Variants in STXBP5L observed in about 807,000 individuals in gnomAD.
STXBP5L encodes syntaxin binding protein 5L.
Under a neutral mutation model 144.5 loss-of-function variants are expected in STXBP5L, and 65 were observed. The observed-to-expected ratio is 0.45, with a 90% CI of 0.37 to 0.55. The LOEUF is 0.55. Ranked by LOEUF, STXBP5L falls within the 20% of genes least tolerant of loss-of-function variation. The pLI, the probability that STXBP5L is intolerant of heterozygous loss-of-function variation, is 0.00. For synonymous variants in STXBP5L, 505 were observed against 469.6 expected, an observed-to-expected ratio of 1.08 and a Z score of -0.97; for missense variants, 1,298 against 1,405.5, an observed-to-expected ratio of 0.92 and a Z score of 1.22.
At chr3:120,960,003 C>G (rs553676093) in intron 3 of STXBP5L, among the ~76,000 whole-genome samples, 2 of 152,144 alleles carry the variant, frequency 1.3e-5, no homozygotes, top group African/African-American at 2.4e-5. Flanking sequence ...TGCAATCTAC[C>G]TATCTGACAA....
intron 3 of STXBP5L, among the ~76,000 whole-genome samples, chr3:121,016,171 C>A (rs1031045526): frequency 6.6e-6 from 1 of 152,252 alleles, no homozygotes; most frequent in Admixed American, 6.5e-5. Context: ...TTAATCAATA[C>A]AAACGTGTGG....
chr3:121,366,838 G>A (rs2045877853), intron 20 of STXBP5L, among the ~76,000 whole-genome samples: 1 of 152,016 alleles, frequency 6.6e-6, no homozygotes, highest in South Asian at 2.1e-4. Context: ...TACTGTTTGT[G>A]TGTGGTCTTG....
At chr3:121,105,310 C>T (rs1022436576) in intron 5 of STXBP5L, among the ~76,000 whole-genome samples, 21 of 151,914 alleles carry the variant, frequency 1.4e-4, no homozygotes, top group African/African-American at 3.6e-4. Context: ...GCAGGAGAAT[C>T]GCTTGAACCT....
chr3:121,196,734 A>G (rs1029117770), intron 9 of STXBP5L, among the ~76,000 whole-genome samples: 2 of 152,000 alleles, frequency 1.3e-5, no homozygotes, highest in Non-Finnish European at 2.9e-5. Flanking sequence ...ATGATCATGG[A>G]TCACGGCTCA....
chr3:121,092,113 C>G (rs984047624), intron 5 of STXBP5L, among the ~76,000 whole-genome samples: 1 of 152,046 alleles, frequency 6.6e-6, no homozygotes, highest in Non-Finnish European at 1.5e-5. Context: ...TCTGAGGGCT[C>G]TGTTCTATTG....
intron 7 of STXBP5L, among the ~76,000 whole-genome samples, chr3:121,137,931 G>GC (rs1333823532): frequency 2.0e-5 from 3 of 152,112 alleles, no homozygotes; most frequent in Admixed American, 2.0e-4. Flanking sequence ...CCTGACCAGA[G>GC]CAACTAGGCA....
intron 19 of STXBP5L, among the ~76,000 whole-genome samples, chr3:121,280,909 C>CTAATAATAA (rs150499478): frequency 6.7e-6 from 1 of 148,904 alleles, no homozygotes; most frequent in South Asian, 2.1e-4. Context: ...GACCCCATCT[C>CTAATAATAA]TAATAATAAT....
In STXBP5L at chr3:121,041,716, G is replaced by A. The variant is rs376698945; in HGVS notation, c.304G>A (p.Val102Ile). Residue 102 changes from valine (V) to isoleucine (I), a missense_variant, in exon 4 of 27, where the codon GTT becomes ATT. Transcript: ENST00000471454. Reference sequence around the variant, plus strand: ...TTATATTAGACTCGGGAGACCTGGTGTTGATTGCTATTGCCAACATGAAAG... The same window carrying A: ...TTATATTAGACTCGGGAGACCTGGTATTGATTGCTATTGCCAACATGAAAG... Reference protein sequence around the residue: ...GAIRILGRPGVDCYCQHESGA... With the variant: ...GAIRILGRPGIDCYCQHESGA... 48 of 1,612,344 alleles carry A rather than the reference G, an allele frequency of 3.0e-5. No homozygotes were observed. The highest frequency in any genetic ancestry group is 4.1e-5 in the Non-Finnish European group (48 of 1,178,936).
At chr3:120,971,424 A>G (rs1281817972) in intron 3 of STXBP5L, among the ~76,000 whole-genome samples, 1 of 151,422 alleles carries the variant, frequency 6.6e-6, no homozygotes, top group Non-Finnish European at 1.5e-5. Context: ...TCCAATGTCT[A>G]TTATTCAACT....
chr3:120,931,664 G>GA (rs959371801), intron 2 of STXBP5L, among the ~76,000 whole-genome samples: 3 of 151,946 alleles, frequency 2.0e-5, no homozygotes, highest in Non-Finnish European at 4.4e-5. Context: ...AACTAGATAA[G>GA]AAAAAAAATT....
intron 20 of STXBP5L, among the ~76,000 whole-genome samples, chr3:121,337,839 T>C (rs960986363): frequency 2.6e-5 from 4 of 152,140 alleles, no homozygotes; most frequent in East Asian, 3.8e-4. Context: ...TTTTTAAAAA[T>C]TGAAATTATA....
chr3:121,163,253 G>A (rs1267976047), intron 9 of STXBP5L, among the ~76,000 whole-genome samples: 1 of 152,202 alleles, frequency 6.6e-6, no homozygotes, highest in East Asian at 1.9e-4. Context: ...AAAAAAGAAT[G>A]AGTTCATGTC....
chr3:120,987,576 C>A (rs375060956), intron 3 of STXBP5L, among the ~76,000 whole-genome samples: 1 of 151,702 alleles, frequency 6.6e-6, no homozygotes. Flanking sequence ...TGTATTTTCA[C>A]CCTCTTAACT....
chr3:121,309,587 C>G (rs894168552), intron 19 of STXBP5L, among the ~76,000 whole-genome samples: 2 of 151,864 alleles, frequency 1.3e-5, no homozygotes, highest in East Asian at 1.9e-4. Flanking sequence ...AAGAACTAGA[C>G]AGAAGATCAA....
At chr3:121,036,333 TA>T (rs986292791) in intron 3 of STXBP5L, among the ~76,000 whole-genome samples, 5 of 152,056 alleles carry the variant, frequency 3.3e-5, no homozygotes, top group African/African-American at 4.8e-5. Context: ...GACTCCATCT[TA>T]AAAAAAATTG....
At chr3:121,267,551 T>C (rs371530548) in intron 18 of STXBP5L, among the ~76,000 whole-genome samples, 3 of 152,102 alleles carry the variant, frequency 2.0e-5, no homozygotes, top group Non-Finnish European at 2.9e-5. Flanking sequence ...AAAGCCAAAA[T>C]TGACAAATGG....
intron 5 of STXBP5L, among the ~76,000 whole-genome samples, chr3:121,098,219 T>A (rs540840854): frequency 6.6e-6 from 1 of 152,248 alleles, no homozygotes; most frequent in South Asian, 2.1e-4. Context: ...GGGATATGTA[T>A]TTTGGCTCAC....
At chr3:120,976,522 G>T (rs1019132729) in intron 3 of STXBP5L, among the ~76,000 whole-genome samples, 13 of 152,166 alleles carry the variant, frequency 8.5e-5, no homozygotes, top group East Asian at 1.9e-4. Flanking sequence ...TTTTTTGAAG[G>T]GTTTTTTATG....
At chr3:121,084,061 C>G (rs542482879) in intron 5 of STXBP5L, among the ~76,000 whole-genome samples, 1 of 151,496 alleles carries the variant, frequency 6.6e-6, no homozygotes, top group Non-Finnish European at 1.5e-5. Flanking sequence ...TATCTCTATT[C>G]TTTTTGTTTT....
Sources: gnomAD v4.1 joint callset for allele counts (sites outside exome capture counted in the v4.1 genomes callset) on GRCh38, gnomAD v4.1.1 for gene constraint, MANE v1.5 for transcripts, NCBI Gene and HGNC (gene_info 2026-07-23, HGNC 2026-07-21) for gene names.